The following PCDH15 variants were observed in gnomAD, a reference collection of about 807,000 sequenced individuals.
PCDH15 encodes protocadherin-15.
PCDH15 carries 129 observed loss-of-function variants against 178.5 expected under a neutral mutation model. The observed-to-expected ratio is 0.72, with a 90% CI of 0.63 to 0.84. PCDH15 has a LOEUF of 0.84. Among genes scored for constraint, PCDH15 ranks in the 40% least tolerant of loss-of-function variants. PCDH15 has a pLI of 0.00. For synonymous variants in PCDH15, 800 were observed against 732.0 expected, an observed-to-expected ratio of 1.09 and a Z score of -1.50; for missense variants, 2,230 against 2,099.9, an observed-to-expected ratio of 1.06 and a Z score of -1.21.
chr10:54,973,984 G>C (rs1839001079), intron 2 of PCDH15, among the ~76,000 whole-genome samples: 1 of 151,402 alleles, frequency 6.6e-6, no homozygotes, highest in Non-Finnish European at 1.5e-5. Flanking sequence ...AAAGCAAATA[G>C]GCTAAATGAT....
At position 54,340,040 on chromosome 10, in the gene PCDH15, TA is replaced by T. The variant is rs1426217573; in HGVS notation, c.594+6324del. ...CTATACCTATTGCAGTGGTCCTGAA[TA>T]AGGTCTTTCTTACCATGTTTTAATG... On this transcript the variant is annotated intron_variant, in intron 6 of 37. Coordinates refer to ENST00000644397, the MANE Select transcript of PCDH15 (RefSeq NM_001384140.1). 2.6e-5 allele frequency among the ~76,000 whole-genome samples: 4 copies of T among 152,346 alleles called. No homozygotes were observed. The East Asian group carries it at 7.7e-4, about 29-fold the overall frequency.
intron 8 of PCDH15, among the ~76,000 whole-genome samples, chr10:54,303,621 T>C (rs2060280299): frequency 6.6e-6 from 1 of 152,206 alleles, no homozygotes; most frequent in Admixed American, 6.5e-5. Flanking sequence ...AAGGACCAAA[T>C]GTGTGTTATT....
At chr10:55,222,425 G>C (rs564301792) in intron 1 of PCDH15, among the ~76,000 whole-genome samples, 1 of 151,722 alleles carries the variant, frequency 6.6e-6, no homozygotes, top group Non-Finnish European at 1.5e-5. Context: ...ATATCTTTTG[G>C]AAAGGTGAGA....
chr10:54,211,446 T>C (rs1241680516), intron 10 of PCDH15, among the ~76,000 whole-genome samples: 2 of 152,162 alleles, frequency 1.3e-5, no homozygotes, highest in African/African-American at 4.8e-5. Flanking sequence ...AATCTTTTCA[T>C]AGTCTAAAGT....
chr10:55,595,264 A>G (rs1471758450), intron 2 of PCDH15, among the ~76,000 whole-genome samples: 1 of 151,970 alleles, frequency 6.6e-6, no homozygotes, highest in East Asian at 1.9e-4. Flanking sequence ...TGATTTCTGC[A>G]AAGTATTAGT....
At chr10:54,250,454 T>G (rs1479258912) in intron 8 of PCDH15, among the ~76,000 whole-genome samples, 1 of 150,898 alleles carries the variant, frequency 6.6e-6, no homozygotes. Context: ...GGCTAATTTT[T>G]TCGTATTTTT....
At chr10:53,944,227 A>G in intron 23 of PCDH15, among the ~76,000 whole-genome samples, 1 of 152,196 alleles carries the variant, frequency 6.6e-6, no homozygotes, top group East Asian at 1.9e-4. Context: ...ATGTTTATGA[A>G]CGATCAATGG....
At chr10:54,279,617 A>G (rs1489283979) in intron 8 of PCDH15, among the ~76,000 whole-genome samples, 2 of 143,000 alleles carry the variant, frequency 1.4e-5, no homozygotes, top group African/African-American at 2.4e-5. Flanking sequence ...ATTTCCAGAT[A>G]TCATGCATTC....
At chr10:55,210,475 G>T (rs960666986) in intron 1 of PCDH15, among the ~76,000 whole-genome samples, 1 of 151,734 alleles carries the variant, frequency 6.6e-6, no homozygotes, top group East Asian at 1.9e-4. Context: ...AGCAAAGGAA[G>T]CATAGACATC....
chr10:54,098,981 G>C (rs539369313), intron 15 of PCDH15, among the ~76,000 whole-genome samples: 1 of 152,060 alleles, frequency 6.6e-6, no homozygotes, highest in Admixed American at 6.6e-5. Context: ...GGACACCTAC[G>C]AAGCAATTTA....
At chr10:54,655,261 AGAGAGAGAGAGAGAGAG>A (rs2094359336) in intron 2 of PCDH15, among the ~76,000 whole-genome samples, 5 of 71,960 alleles carry the variant, frequency 6.9e-5, no homozygotes, top group African/African-American at 2.4e-4. Context: ...AAAGAAAGAG[AGAGAGAGAGAGAGAGAG>A]AGAGAGAGAG....
At chr10:54,747,308 T>A (rs1256369419) in intron 1 of PCDH15, among the ~76,000 whole-genome samples, 1 of 152,196 alleles carries the variant, frequency 6.6e-6, no homozygotes. Context: ...CAGTCTCAGG[T>A]CTGTTATGTT....
At chr10:53,808,551 T>G in intron 37 of PCDH15, 1 of 1,441,338 alleles carries the variant, frequency 6.9e-7, no homozygotes, top group South Asian at 1.5e-5. Flanking sequence ...ATATTCACTT[T>G]TCTGGCATGC....
intron 3 of PCDH15, among the ~76,000 whole-genome samples, chr10:54,827,947 T>C (rs1953158599): frequency 1.3e-5 from 2 of 152,068 alleles, no homozygotes; most frequent in African/African-American, 4.8e-5. Flanking sequence ...TACCAACATA[T>C]ATGTAATCTT....
chr10:54,725,873 G>A (rs72794572), intron 1 of PCDH15, among the ~76,000 whole-genome samples: 14,159 of 150,032 alleles, frequency 0.094, 715 homozygotes, highest in Admixed American at 0.11. Flanking sequence ...ATTTCAAGTT[G>A]GAATTCAGTT....
intron 8 of PCDH15, among the ~76,000 whole-genome samples, chr10:54,242,042 A>G (rs2055360200): frequency 1.4e-5 from 2 of 148,120 alleles, no homozygotes; most frequent in South Asian, 4.3e-4. Flanking sequence ...ACAGTAGCCA[A>G]TTAACATTTG....
At chr10:54,405,935 GTTC>G (rs1952611802) in intron 3 of PCDH15, among the ~76,000 whole-genome samples, 1 of 151,706 alleles carries the variant, frequency 6.6e-6, no homozygotes, top group Non-Finnish European at 1.5e-5. Flanking sequence ...GTACAAGAAT[GTTC>G]TTATTTCTAC....
chr10:54,422,341 T>C (rs980680316), intron 3 of PCDH15, among the ~76,000 whole-genome samples: 3 of 152,116 alleles, frequency 2.0e-5, no homozygotes, highest in Non-Finnish European at 4.4e-5. Context: ...TAGCCTACCC[T>C]ATTTTGTAGT....
chr10:54,027,868 G>T (rs1413519750), intron 18 of PCDH15, among the ~76,000 whole-genome samples: 4 of 146,278 alleles, frequency 2.7e-5, no homozygotes, highest in African/African-American at 1.0e-4. Flanking sequence ...TACCATTCAG[G>T]ACATAGGCAT....
Sources: allele counts gnomAD v4.1 joint callset (sites outside exome capture counted in the v4.1 genomes callset), GRCh38; gene constraint gnomAD v4.1.1; transcripts MANE v1.5; gene names NCBI Gene and HGNC (gene_info 2026-07-23, HGNC 2026-07-21).